Variants in CTNNA2 observed in about 807,000 individuals in gnomAD.
CTNNA2 encodes the protein catenin alpha-2.
CTNNA2 carries 42 observed loss-of-function variants against 101.0 expected under a neutral mutation model. That is an observed-to-expected ratio of 0.42 (90% CI 0.32 to 0.54). The LOEUF (loss-of-function observed/expected upper bound fraction) is 0.54. Ranked by LOEUF, CTNNA2 falls within the 20% of genes least tolerant of loss-of-function variation. The pLI, the probability that CTNNA2 is intolerant of heterozygous loss-of-function variation, is 0.14. For missense variants in CTNNA2, 871 were observed against 1,223.1 expected, an observed-to-expected ratio of 0.71 and a Z score of 4.29; for synonymous variants, 450 against 456.4, an observed-to-expected ratio of 0.99 and a Z score of 0.18.
chr2:80,072,192 T>C (rs1698392749), intron 7 of CTNNA2, among the ~76,000 whole-genome samples: 2 of 152,160 alleles, frequency 1.3e-5, no homozygotes, highest in Admixed American at 6.5e-5. Flanking sequence ...TTAGTCTACT[T>C]TTCTCGCCTC....
At chr2:80,140,449 G>T (rs764365009) in intron 7 of CTNNA2, among the ~76,000 whole-genome samples, 1 of 152,048 alleles carries the variant, frequency 6.6e-6, no homozygotes, top group Non-Finnish European at 1.5e-5. Flanking sequence ...CCACCTTTTG[G>T]ATCCAACATG....
intron 9 of CTNNA2, among the ~76,000 whole-genome samples, chr2:80,451,872 GA>G (rs200934041): frequency 7.9e-5 from 12 of 151,190 alleles, no homozygotes; most frequent in Admixed American, 7.3e-4. Flanking sequence ...TTTTTTATCG[GA>G]AAAAAAAGAT....
intron 7 of CTNNA2, among the ~76,000 whole-genome samples, chr2:79,977,084 T>C (rs1372872334): frequency 2.0e-5 from 3 of 152,190 alleles, no homozygotes; most frequent in Admixed American, 6.5e-5. Flanking sequence ...ATATTTAAAA[T>C]AGTGTTTCAC....
chr2:79,746,761 CTT>C (rs1353089807), intron 3 of CTNNA2, among the ~76,000 whole-genome samples: 1 of 152,160 alleles, frequency 6.6e-6, no homozygotes, highest in East Asian at 1.9e-4. Context: ...CTCAGGGAAA[CTT>C]TATCTGAAAC....
chr2:80,463,230 G>A (rs1364846920), intron 9 of CTNNA2, among the ~76,000 whole-genome samples: 1 of 151,998 alleles, frequency 6.6e-6, no homozygotes, highest in African/African-American at 2.4e-5. Context: ...TTCCTTTTAA[G>A]TCCTTGTTTT....
chr2:80,151,404 C>T (rs1234056469), intron 7 of CTNNA2, among the ~76,000 whole-genome samples: 1 of 152,170 alleles, frequency 6.6e-6, no homozygotes, highest in East Asian at 1.9e-4. Flanking sequence ...ACACTAATGA[C>T]AAGCTATTGC....
In CTNNA2 at chr2:80,302,162, G is replaced by C. The variant is rs1193187021; in HGVS notation, c.1057-91049G>C. ...CAGTCAAGGAGCATATCAGAGCACA[G>C]ACAAGGAGACCCCAGCCTGGTGCCC... On this transcript the variant is annotated intron_variant, in intron 7 of 18. Coordinates refer to ENST00000402739, the MANE Select transcript of CTNNA2 (RefSeq NM_001282597.3). This position sits in a 1 kb window ranked among gnomAD's most constrained non-coding sequence, Gnocchi z 6.4. 1.3e-6 allele frequency: 2 copies of C among 1,505,628 alleles called. No homozygotes were observed. Among genetic ancestry groups the C allele is most frequent in the South Asian group, 1.3e-5 (1 of 76,490 alleles). 93.3% of individuals were successfully genotyped at this position (1,505,628 alleles called of 1,614,324 possible). A position where few individuals can be genotyped will look rare whatever the true frequency, so the allele number is the denominator to read the frequency against.
intron 2 of CTNNA2, among the ~76,000 whole-genome samples, chr2:79,258,954 T>A (rs967572859): frequency 3.9e-5 from 6 of 152,094 alleles, no homozygotes; most frequent in African/African-American, 1.4e-4. Flanking sequence ...AGGCCTATAT[T>A]TTAATCTTTT....
At chr2:80,487,708 A>G (rs1222088404) in intron 9 of CTNNA2, among the ~76,000 whole-genome samples, 1 of 152,216 alleles carries the variant, frequency 6.6e-6, no homozygotes, top group Non-Finnish European at 1.5e-5. Context: ...TATCAATAGT[A>G]TAATTTATGT....
At chr2:79,954,888 T>C (rs1689120479) in intron 7 of CTNNA2, among the ~76,000 whole-genome samples, 1 of 152,206 alleles carries the variant, frequency 6.6e-6, no homozygotes. Context: ...TGATATATTT[T>C]ACCTAAAATC....
In CTNNA2 at chr2:79,264,588, T is replaced by G. The variant is rs147173092; in HGVS notation, c.-405-48121T>G. 4.6e-3 allele frequency among the ~76,000 whole-genome samples: 707 copies of G among 152,196 alleles called. 7 individuals are homozygous for G. The highest frequency in any genetic ancestry group is 0.016 in the African/African-American group (678 of 41,540). ...TTGAAATGACCAGACTGAGTGAAATTAATCCATTGTTCACCATGAAGTCCT... is the reference window on the plus strand; with the variant it reads ...TTGAAATGACCAGACTGAGTGAAATGAATCCATTGTTCACCATGAAGTCCT... On this transcript the variant is annotated intron_variant, in intron 2 of 21. Coordinates refer to the CTNNA2 transcript ENST00000466387.
Position 80,049,588 on chromosome 2 carries a change from G to A in CTNNA2, c.1056+139791G>A, listed in dbSNP as rs151137225. 2.6e-3 allele frequency among the ~76,000 whole-genome samples: 390 copies of A among 152,186 alleles called. 8 individuals are homozygous for A. The highest frequency in any genetic ancestry group is 0.02 in the Admixed American group (298 of 15,278). The stretch of plus-strand genomic sequence containing the variant: ...GGAACCCAGGAACCTCTTCACACAT[G>A]TTCACATCCAGTTCACTCATGGCCG... On this transcript the variant is annotated intron_variant, in intron 7 of 18. Transcript: ENST00000402739.
intron 9 of CTNNA2, among the ~76,000 whole-genome samples, chr2:80,490,282 C>G (rs1292166920): frequency 2.7e-5 from 2 of 72,870 alleles, no homozygotes; most frequent in Non-Finnish European, 4.4e-5. Flanking sequence ...CCCCCCCCAC[C>G]CCCCCCCCGG....
At chr2:79,258,260 A>G (rs1199152884) in intron 2 of CTNNA2, among the ~76,000 whole-genome samples, 1 of 152,158 alleles carries the variant, frequency 6.6e-6, no homozygotes, top group Non-Finnish European at 1.5e-5. Flanking sequence ...GAAGCAATTT[A>G]TAAAACTGGT....
chr2:80,049,585 CAT>C (rs900679555), intron 7 of CTNNA2, among the ~76,000 whole-genome samples: 34 of 152,312 alleles, frequency 2.2e-4, no homozygotes, highest in Admixed American at 5.2e-4. Flanking sequence ...CCTCTTCACA[CAT>C]GTTCACATCC....
chr2:79,648,350 C>A (rs937482307), intron 1 of CTNNA2, among the ~76,000 whole-genome samples: 6 of 152,124 alleles, frequency 3.9e-5, no homozygotes, highest in African/African-American at 1.4e-4. Flanking sequence ...ACTCTGGAGG[C>A]AAAGATCATT....
At chr2:79,525,042 T>C (rs1672327794) in intron 1 of CTNNA2, among the ~76,000 whole-genome samples, 1 of 152,084 alleles carries the variant, frequency 6.6e-6, no homozygotes, top group East Asian at 1.9e-4. Context: ...AGTAAACTTT[T>C]TTTATTTATC....
chr2:80,271,326 A>G (rs1288174907), intron 7 of CTNNA2, among the ~76,000 whole-genome samples: 1 of 152,040 alleles, frequency 6.6e-6, no homozygotes, highest in Non-Finnish European at 1.5e-5. Context: ...CCAGTTGGCT[A>G]GCTCCATTAA....
At chr2:80,407,379 G>A (rs1259442523) in intron 8 of CTNNA2, among the ~76,000 whole-genome samples, 2 of 152,238 alleles carry the variant, frequency 1.3e-5, no homozygotes, top group African/African-American at 4.8e-5. Flanking sequence ...CGTATAGAGT[G>A]AGAGGCATAT....
Sources: allele counts gnomAD v4.1 joint callset (sites outside exome capture counted in the v4.1 genomes callset), GRCh38; gene constraint gnomAD v4.1.1; non-coding constraint Gnocchi (gnomAD v3.1); transcripts MANE v1.5; gene names NCBI Gene and HGNC (gene_info 2026-07-23, HGNC 2026-07-21).